The following ZNF609 variants were observed in gnomAD, a reference collection of about 807,000 sequenced individuals.
ZNF609 encodes the protein zinc finger protein 609.
A neutral mutation model predicts 109.5 loss-of-function variants in ZNF609; 11 were observed. The observed-to-expected ratio is 0.10, with a 90% CI of 0.06 to 0.17. The LOEUF is 0.17. Ranked by LOEUF, ZNF609 falls within the 10% of genes least tolerant of loss-of-function variation. The pLI, the probability that ZNF609 is intolerant of heterozygous loss-of-function variation, is 1.00. For synonymous variants in ZNF609, 646 were observed against 662.0 expected (o/e 0.98, Z 0.37); for missense variants, 1,559 against 1,772.4 (o/e 0.88, Z 2.16).
chr15:64,621,502 A>G (rs1195371227), intron 2 of ZNF609, among the ~76,000 whole-genome samples: 1 of 152,096 alleles, frequency 6.6e-6, no homozygotes, highest in Non-Finnish European at 1.5e-5. Flanking sequence ...GGCATATGCC[A>G]CCACACACAG....
chr15:64,601,068 A>G (rs890951282), intron 2 of ZNF609, among the ~76,000 whole-genome samples: 5 of 152,060 alleles, frequency 3.3e-5, no homozygotes, highest in Non-Finnish European at 5.9e-5. Flanking sequence ...TCCTTACCCA[A>G]CAGGTTGCCA....
chr15:64,663,016 G>T (rs1297562734), intron 3 of ZNF609, among the ~76,000 whole-genome samples: 5 of 152,150 alleles, frequency 3.3e-5, no homozygotes, highest in South Asian at 2.1e-4. Flanking sequence ...GATACATACA[G>T]ATGTATGTAT....
chr15:64,663,253 G>T (rs1246170951), intron 3 of ZNF609, among the ~76,000 whole-genome samples: 2 of 152,154 alleles, frequency 1.3e-5, no homozygotes, highest in African/African-American at 4.8e-5. Flanking sequence ...GATATATTTT[G>T]AAGGTTGAGC....
At chr15:64,670,198 C>A in intron 3 of ZNF609, 148 bp from the exon 4 acceptor site, 1 of 636,944 alleles carries the variant, frequency 1.6e-6, no homozygotes, top group Non-Finnish European at 2.9e-6. Context: ...TCCTATGGAA[C>A]TATTCTGGCC....
At chr15:64,577,185 G>A (rs575721359) in intron 2 of ZNF609, among the ~76,000 whole-genome samples, 41 of 121,980 alleles carry the variant, frequency 3.4e-4, no homozygotes, top group African/African-American at 1.3e-3. Flanking sequence ...ACATATATGT[G>A]TATATATACA....
chr15:64,605,972 G>A (rs1404179047), intron 2 of ZNF609, among the ~76,000 whole-genome samples: 1 of 132,908 alleles, frequency 7.5e-6, no homozygotes, highest in East Asian at 2.2e-4. Flanking sequence ...AGCCAGGATG[G>A]TCTCGATCTC....
chr15:64,642,202 G>T (rs1365904639), intron 3 of ZNF609, among the ~76,000 whole-genome samples: 7 of 151,934 alleles, frequency 4.6e-5, no homozygotes, highest in Non-Finnish European at 1.0e-4. Flanking sequence ...TTATTTTTTT[G>T]AAACAGAGTC....
chr15:64,488,877 A>T (rs1893368740), intron 1 of ZNF609, among the ~76,000 whole-genome samples: 1 of 151,526 alleles, frequency 6.6e-6, no homozygotes, highest in Non-Finnish European at 1.5e-5. Context: ...GTTTGAGACC[A>T]GTCTGGGTGA....
At chr15:64,476,952 C>T (rs1174045811) in intron 1 of ZNF609, among the ~76,000 whole-genome samples, 1 of 152,076 alleles carries the variant, frequency 6.6e-6, no homozygotes, top group Non-Finnish European at 1.5e-5. Flanking sequence ...TGCGCCTGGC[C>T]TAAAGCGTGA....
rs552047215 is a variant in ZNF609 at position 64,678,611 on chromosome 15, A to G, written c.3769+129A>G. On this transcript the variant is annotated intron_variant, in intron 6 of 9. Coordinates refer to ENST00000326648, the MANE Select transcript of ZNF609 (RefSeq NM_015042.2). ...TCGCTTAGATGACGGACCTTTTTTC[A>G]CTGAGTCATTCTGTGAGGTGGCCAC... 4.1e-5 allele frequency: 54 copies of G among 1,325,468 alleles called. 1 individual carries two copies. Among genetic ancestry groups the G allele is most frequent in the South Asian group, 2.1e-4 (14 of 65,242 alleles). The allele number at this position is 1,325,468 out of a possible 1,614,324, so 82.1% of individuals were successfully genotyped here.
chr15:64,508,684 AT>A (rs1160116983), intron 2 of ZNF609, among the ~76,000 whole-genome samples: 2,894 of 130,524 alleles, frequency 0.022, 52 homozygotes, highest in African/African-American at 0.06. Context: ...GACCCAGAAA[AT>A]TTTTTTTTTT....
At chr15:64,673,134 C>T (rs949617076) in intron 4 of ZNF609, among the ~76,000 whole-genome samples, 1 of 152,146 alleles carries the variant, frequency 6.6e-6, no homozygotes, top group African/African-American at 2.4e-5. Flanking sequence ...AACAAGGAAG[C>T]AGTAAGTAGC....
At chr15:64,672,006 C>CTTTTTTT (rs771330218) in intron 4 of ZNF609, among the ~76,000 whole-genome samples, 38 of 86,752 alleles carry the variant, frequency 4.4e-4, no homozygotes, top group Non-Finnish European at 5.2e-4. Flanking sequence ...GAGGCTTAGA[C>CTTTTTTT]TTTTTTTTTT....
chr15:64,525,878 C>T (rs377214372), intron 2 of ZNF609, among the ~76,000 whole-genome samples: 9 of 151,798 alleles, frequency 5.9e-5, no homozygotes, highest in African/African-American at 2.2e-4. Flanking sequence ...AACCTCCACC[C>T]ACCAGTTTCA....
intron 3 of ZNF609, among the ~76,000 whole-genome samples, chr15:64,662,918 C>T (rs1381497415): frequency 2.7e-5 from 4 of 148,488 alleles, no homozygotes; most frequent in South Asian, 4.3e-4. Flanking sequence ...CCACCTGCCT[C>T]GGCCTCCCAA....
At chr15:64,569,937 T>C (rs932385388) in intron 2 of ZNF609, among the ~76,000 whole-genome samples, 10 of 152,220 alleles carry the variant, frequency 6.6e-5, no homozygotes, top group Non-Finnish European at 1.3e-4. Context: ...TTTTTTAAGC[T>C]TTAATTTATT....
intron 1 of ZNF609, among the ~76,000 whole-genome samples, chr15:64,462,296 G>A (rs1892953420): frequency 6.6e-6 from 1 of 152,212 alleles, no homozygotes; most frequent in Non-Finnish European, 1.5e-5. Context: ...AGTTGTGAAG[G>A]AATAGTGTCT....
chr15:64,681,179 A>G, intron 8 of ZNF609, 130 bp from the exon 9 acceptor site: 3 of 812,842 alleles, frequency 3.7e-6, no homozygotes, highest in Non-Finnish European at 4.0e-6. Context: ...GAGCCTTATT[A>G]TCTATCTCCA....
At chr15:64,525,746 C>T (rs1162474153) in intron 2 of ZNF609, among the ~76,000 whole-genome samples, 2 of 151,700 alleles carry the variant, frequency 1.3e-5, no homozygotes, top group African/African-American at 4.8e-5. Flanking sequence ...TAATTTCCAT[C>T]AATGATGTTT....
Sources: gnomAD v4.1 joint callset for allele counts (sites outside exome capture counted in the v4.1 genomes callset) on GRCh38, gnomAD v4.1.1 for gene constraint, MANE v1.5 for transcripts, NCBI Gene and HGNC (gene_info 2026-07-23, HGNC 2026-07-21) for gene names.